NRXN1: variants seen among roughly 807,000 people sequenced by gnomAD.
The protein encoded by NRXN1 is neurexin 1.
NRXN1 carries 39 observed loss-of-function variants against 150.9 expected under a neutral mutation model. That is an observed-to-expected ratio of 0.26 (90% confidence interval 0.20 to 0.34). The LOEUF is 0.34. Among genes scored for constraint, NRXN1 ranks in the 10% least tolerant of loss-of-function variants. The probability of loss-of-function intolerance (pLI) is 1.00; values close to 1 mark genes in which losing one functional copy is unlikely to be tolerated. For synonymous variants in NRXN1, 924 were observed against 757.0 expected, an observed-to-expected ratio of 1.22 and a Z score of -3.62; for missense variants, 1,815 against 1,949.9, an observed-to-expected ratio of 0.93 and a Z score of 1.30.
At chr2:50,510,671 T>A (rs1166846207) in intron 12 of NRXN1, among the ~76,000 whole-genome samples, 4 of 152,178 alleles carry the variant, frequency 2.6e-5, no homozygotes, top group Non-Finnish European at 5.9e-5. Context: ...TAATTTTTCA[T>A]TTTATAGTTA....
intron 18 of NRXN1, among the ~76,000 whole-genome samples, chr2:50,115,891 TAAG>T (rs1702993560): frequency 1.3e-5 from 2 of 152,134 alleles, no homozygotes; most frequent in Admixed American, 1.3e-4. Flanking sequence ...TCTGTCTTTT[TAAG>T]AAGACTTATT....
chr2:50,132,637 T>G (rs1229283640), intron 18 of NRXN1, among the ~76,000 whole-genome samples: 1 of 151,970 alleles, frequency 6.6e-6, no homozygotes. Flanking sequence ...ACTTTTTTGA[T>G]GTGAATTGGG....
intron 18 of NRXN1, among the ~76,000 whole-genome samples, chr2:50,118,566 T>C (rs1175111369): frequency 1.3e-5 from 2 of 152,082 alleles, no homozygotes; most frequent in Non-Finnish European, 1.5e-5. Flanking sequence ...CAAAATAAAG[T>C]TTTCCTTTAT....
intron 9 of NRXN1, among the ~76,000 whole-genome samples, chr2:50,545,030 T>C (rs1222753807): frequency 1.3e-5 from 2 of 152,154 alleles, no homozygotes; most frequent in African/African-American, 4.8e-5. Context: ...TGTGTGAACA[T>C]ATTTATAGAT....
At chr2:49,928,947 T>C (rs1669635074) in intron 22 of NRXN1, among the ~76,000 whole-genome samples, 1 of 152,152 alleles carries the variant, frequency 6.6e-6, no homozygotes, top group Admixed American at 6.6e-5. Context: ...ATCTTAGCCC[T>C]TCCCCAATAC....
intron 5 of NRXN1, among the ~76,000 whole-genome samples, chr2:50,877,260 T>C (rs1678742088): frequency 6.6e-6 from 1 of 151,738 alleles, no homozygotes; most frequent in Non-Finnish European, 1.5e-5. Flanking sequence ...TTGCAGTTTA[T>C]TTTTTCTATT....
chr2:50,538,132 G>C, intron 10 of NRXN1, 121 bp downstream of exon 10: 2 of 1,127,354 alleles, frequency 1.8e-6, no homozygotes, highest in Non-Finnish European at 2.4e-6. Context: ...TGCTCAGCTT[G>C]CAAACAGAGT....
intron 17 of NRXN1, among the ~76,000 whole-genome samples, chr2:50,444,011 C>T (rs2086189081): frequency 1.3e-5 from 2 of 152,084 alleles, no homozygotes; most frequent in Non-Finnish European, 2.9e-5. Context: ...AGATGGACTG[C>T]TTTTGAGGAG....
intron 5 of NRXN1, among the ~76,000 whole-genome samples, chr2:50,799,119 C>A (rs1257805997): frequency 3.3e-5 from 5 of 152,064 alleles, no homozygotes; most frequent in South Asian, 2.1e-4. Flanking sequence ...TCTTGTTGGA[C>A]ATGAAAAAAA....
At chr2:50,803,592 C>A (rs74783548) in intron 5 of NRXN1, among the ~76,000 whole-genome samples, 16 of 152,280 alleles carry the variant, frequency 1.1e-4, no homozygotes, top group Non-Finnish European at 2.2e-4. Flanking sequence ...CTCCTGAGTT[C>A]TCTTCCTTGG....
chr2:50,260,573 T>C (rs2068152780), intron 17 of NRXN1, among the ~76,000 whole-genome samples: 3 of 151,430 alleles, frequency 2.0e-5, no homozygotes, highest in African/African-American at 7.3e-5. Context: ...TCAATCACTT[T>C]TTTTAATGCA....
chr2:51,000,027 C>T (rs1023659974), intron 2 of NRXN1, among the ~76,000 whole-genome samples: 5 of 151,996 alleles, frequency 3.3e-5, no homozygotes, highest in African/African-American at 7.2e-5. Context: ...CTGTCAAGTT[C>T]TATAAAATCT....
chr2:50,281,881 C>T (rs192647015), intron 17 of NRXN1, among the ~76,000 whole-genome samples: 1 of 152,170 alleles, frequency 6.6e-6, no homozygotes. Flanking sequence ...TTTAAAGACT[C>T]ATCATCCTTA....
chr2:50,657,073 T>C (rs34585693), intron 5 of NRXN1, among the ~76,000 whole-genome samples: 2,552 of 152,120 alleles, frequency 0.017, 84 homozygotes, highest in African/African-American at 0.058. Context: ...GTGTGGTTTC[T>C]CGTCTCTCTC....
chr2:50,708,986 A>T (rs542814588), intron 5 of NRXN1, among the ~76,000 whole-genome samples: 1 of 152,264 alleles, frequency 6.6e-6, no homozygotes, highest in South Asian at 2.1e-4. Flanking sequence ...TTCTATGCAG[A>T]CATTTGATTG....
chr2:50,130,993 A>G (rs1361515092), intron 18 of NRXN1, among the ~76,000 whole-genome samples: 1 of 152,206 alleles, frequency 6.6e-6, no homozygotes, highest in Non-Finnish European at 1.5e-5. Context: ...TTACTTAAGT[A>G]TATCTTTATT....
At chr2:50,927,783 C>T (rs1687126467) in intron 2 of NRXN1, among the ~76,000 whole-genome samples, 1 of 151,816 alleles carries the variant, frequency 6.6e-6, no homozygotes, top group Non-Finnish European at 1.5e-5. Context: ...TCAATTGCTA[C>T]AGCATTATTT....
intron 5 of NRXN1, among the ~76,000 whole-genome samples, chr2:50,716,121 T>G (rs1043195556): frequency 2.0e-5 from 3 of 152,174 alleles, no homozygotes; most frequent in Non-Finnish European, 4.4e-5. Context: ...ATATAAAAAT[T>G]GGCACAAACA....
intron 19 of NRXN1, among the ~76,000 whole-genome samples, chr2:50,086,120 T>C (rs1465395125): frequency 6.6e-6 from 1 of 152,176 alleles, no homozygotes; most frequent in Non-Finnish European, 1.5e-5. Flanking sequence ...GTAATGATCA[T>C]GTAAGGTAGA....
Sources: allele counts gnomAD v4.1 joint callset (sites outside exome capture counted in the v4.1 genomes callset), GRCh38; gene constraint gnomAD v4.1.1; transcripts MANE v1.5; gene names NCBI Gene and HGNC (gene_info 2026-07-23, HGNC 2026-07-21).